The following NHSL2 variants were observed in gnomAD, a reference collection of about 807,000 sequenced individuals.
NHSL2 encodes the protein NHS-like protein 2.
In NHSL2, 27 loss-of-function variants were observed where a neutral mutation model predicts 53.4. The ratio of observed to expected loss-of-function variants is 0.51; its 90% CI spans 0.37 to 0.70. The LOEUF (loss-of-function observed/expected upper bound fraction) is 0.70, where lower values mean the gene tolerates loss of function less well. Ranked by LOEUF, NHSL2 falls within the 30% of genes least tolerant of loss-of-function variation. NHSL2 has a pLI of 0.00. For missense variants in NHSL2, 892 were observed against 980.1 expected (o/e 0.91, Z 1.20); for synonymous variants, 408 against 404.1 (o/e 1.01, Z -0.12).
At chrX:71,919,328 C>T (rs1200411034) in intron 1 of NHSL2, among the ~76,000 whole-genome samples, 1 of 111,474 alleles carries the variant, frequency 9.0e-6, no homozygotes, top group Non-Finnish European at 1.9e-5. Flanking sequence ...AAATACTACC[C>T]AGTTCACAGG....
At chrX:72,118,614 C>T (rs946531123) in intron 1 of NHSL2, among the ~76,000 whole-genome samples, 1 of 111,101 alleles carries the variant, frequency 9.0e-6, no homozygotes, top group Non-Finnish European at 1.9e-5. Flanking sequence ...CTTGTAGAGA[C>T]AGGGTCTTGC....
chrX:72,062,047 A>G (rs148631484), intron 1 of NHSL2, among the ~76,000 whole-genome samples: 2,668 of 112,526 alleles, frequency 0.024, 91 homozygotes, highest in African/African-American at 0.082. Context: ...ATTAACCTCT[A>G]TCACCCACTG....
chrX:71,963,240 G>A (rs1394356615), intron 1 of NHSL2, among the ~76,000 whole-genome samples: 2 of 110,331 alleles, frequency 1.8e-5, no homozygotes, highest in Non-Finnish European at 3.8e-5. Context: ...GTAAGCCCTA[G>A]AGCAACAGTT....
intron 1 of NHSL2, among the ~76,000 whole-genome samples, chrX:72,025,545 C>T (rs1441224891): frequency 8.9e-6 from 1 of 112,849 alleles, no homozygotes; most frequent in Non-Finnish European, 1.9e-5. Context: ...AGCTGGGACA[C>T]ACATCCAGGT....
chrX:72,015,947 GA>G (rs1294677323), intron 1 of NHSL2, among the ~76,000 whole-genome samples: 1 of 111,320 alleles, frequency 9.0e-6, no homozygotes, highest in Non-Finnish European at 1.9e-5. Context: ...TAACTTTATT[GA>G]TGGTGTCTTT....
At position 72,005,145 on chromosome X, in the gene NHSL2, T is replaced by C. The variant is rs1443014331; in HGVS notation, c.280+93778T>C. On this transcript the variant is annotated intron_variant, in intron 1 of 7. Transcript: ENST00000633930. Reference sequence around the variant, plus strand: ...CTATATTAATTTTTTTAAACAACTTTTGTAGAGACAGAGGTCTCTCTTTGT... The same window carrying C: ...CTATATTAATTTTTTTAAACAACTTCTGTAGAGACAGAGGTCTCTCTTTGT... Among the ~76,000 whole-genome samples the C allele has an allele frequency of 6.2e-5, 7 of 112,529 alleles. No homozygotes were observed. In the Admixed American group the frequency reaches 6.5e-4, roughly 11 times the overall value.
At chrX:72,043,124 C>T (rs760577579) in intron 1 of NHSL2, among the ~76,000 whole-genome samples, 1 of 111,234 alleles carries the variant, frequency 9.0e-6, no homozygotes, top group Admixed American at 9.5e-5. Flanking sequence ...AGCTGCAATG[C>T]GCTGTTTCCT....
intron 1 of NHSL2, among the ~76,000 whole-genome samples, chrX:71,970,309 T>A (rs1297314768): frequency 8.9e-6 from 1 of 112,252 alleles, no homozygotes; most frequent in Non-Finnish European, 1.9e-5. Flanking sequence ...GAAGAGTTTG[T>A]GAATTTTTCT....
At chrX:72,007,260 G>A (rs1387890609) in intron 1 of NHSL2, among the ~76,000 whole-genome samples, 1 of 112,715 alleles carries the variant, frequency 8.9e-6, no homozygotes, top group African/African-American at 3.2e-5. Context: ...GTATGGTAGA[G>A]TGGAATAAGA....
intron 1 of NHSL2, among the ~76,000 whole-genome samples, chrX:72,038,195 T>C (rs1300519331): frequency 9.0e-6 from 1 of 111,501 alleles, no homozygotes; most frequent in Non-Finnish European, 1.9e-5. Context: ...TTCCCACGGT[T>C]GTGTAAAGGT....
Position 71,998,589 on chromosome X carries a change from G to A in NHSL2, c.280+87222G>A, listed in dbSNP as rs759325559. 1.2e-4 allele frequency among the ~76,000 whole-genome samples: 13 copies of A among 111,819 alleles called. No individual in the cohort carries two copies. The South Asian group carries it at 4.9e-3, about 42-fold the overall frequency. The stretch of plus-strand genomic sequence containing the variant: ...CTTTACGTGGAGGTTTAGTGTGAAG[G>A]GCTGGAGAGAAGGGGGCTATGAACA... On this transcript the variant is annotated intron_variant, in intron 1 of 7. Transcript: ENST00000633930.
chrX:72,022,007 C>T lies in NHSL2; in HGVS notation c.281-110072C>T, dbSNP rs1981835608. Among the ~76,000 whole-genome samples, 4 of 111,941 alleles carry T rather than the reference C, an allele frequency of 3.6e-5. No individual in the cohort carries two copies. In the South Asian group the frequency reaches 1.1e-3, roughly 31 times the overall value. On this transcript the variant is annotated intron_variant, in intron 1 of 7. Coordinates refer to ENST00000633930, the MANE Select transcript of NHSL2 (RefSeq NM_001013627.3). ...TCAGTCATGCCTTAGAATTCCTCTACCATGGTGCCTCTGCTCTCTGGGATA... is the reference window on the plus strand; with the variant it reads ...TCAGTCATGCCTTAGAATTCCTCTATCATGGTGCCTCTGCTCTCTGGGATA...
chrX:72,093,916 G>C (rs2041923296), intron 1 of NHSL2, among the ~76,000 whole-genome samples: 1 of 110,236 alleles, frequency 9.1e-6, no homozygotes, highest in Non-Finnish European at 1.9e-5. Flanking sequence ...CGAGTAGCTG[G>C]GATTACAGGT....
intron 1 of NHSL2, among the ~76,000 whole-genome samples, chrX:71,971,191 A>G (rs1216190787): frequency 1.8e-5 from 2 of 110,778 alleles, no homozygotes; most frequent in Admixed American, 1.9e-4. Context: ...TTTTTTCTTA[A>G]TTGTTATCCT....
chrX:71,996,263 C>CTTTCAAAGCGCCATCTT (rs1415449351), intron 1 of NHSL2, among the ~76,000 whole-genome samples: 7 of 112,879 alleles, frequency 6.2e-5, no homozygotes, highest in Non-Finnish European at 1.1e-4. Flanking sequence ...TTTTTGACTT[C>CTTTCAAAGCGCCATCTT]TTTCAAAGCG....
chrX:72,024,556 A>G (rs2042175869), intron 1 of NHSL2, among the ~76,000 whole-genome samples: 1 of 112,226 alleles, frequency 8.9e-6, no homozygotes, highest in African/African-American at 3.2e-5. Flanking sequence ...CCTTCATTTC[A>G]CAGATGAGGA....
intron 1 of NHSL2, among the ~76,000 whole-genome samples, chrX:72,028,948 A>G (rs752982924): frequency 2.7e-5 from 3 of 112,075 alleles, no homozygotes; most frequent in African/African-American, 9.7e-5. Flanking sequence ...TGATTTAAGT[A>G]AGTTGTCATA....
intron 1 of NHSL2, among the ~76,000 whole-genome samples, chrX:72,106,441 C>T (rs2042041109): frequency 8.9e-6 from 1 of 111,754 alleles, no homozygotes; most frequent in African/African-American, 3.3e-5. Flanking sequence ...GTTAGAATGG[C>T]GATCATTAAA....
At chrX:72,095,813 T>C (rs1239931513) in intron 1 of NHSL2, among the ~76,000 whole-genome samples, 1 of 112,023 alleles carries the variant, frequency 8.9e-6, no homozygotes, top group Non-Finnish European at 1.9e-5. Context: ...AATTTCCTCA[T>C]CTGCAAAATG....
Sources: allele counts gnomAD v4.1 joint callset (sites outside exome capture counted in the v4.1 genomes callset), GRCh38; gene constraint gnomAD v4.1.1; transcripts MANE v1.5; gene names NCBI Gene and HGNC (gene_info 2026-07-23, HGNC 2026-07-21).